The following ETV6 variants were observed in gnomAD, a reference collection of about 807,000 sequenced individuals.
ETV6 encodes transcription factor ETV6.
In ETV6, 16 loss-of-function variants were observed where a neutral mutation model predicts 51.1. The observed-to-expected ratio is 0.31, with a 90% CI of 0.21 to 0.48. The LOEUF is 0.48. Among genes scored for constraint, ETV6 ranks in the 20% least tolerant of loss-of-function variants. ETV6 has a pLI of 0.99. For missense variants in ETV6, 458 were observed against 594.8 expected (o/e 0.77, Z 2.39); for synonymous variants, 240 against 224.1 (o/e 1.07, Z -0.64).
chr12:11,893,595 C>T lies in ETV6; in HGVS notation c.*2549C>T, dbSNP rs947054409. On this transcript the variant is annotated 3_prime_UTR_variant, in exon 8 of 8. Coordinates refer to ENST00000396373, the MANE Select transcript of ETV6 (RefSeq NM_001987.5). Reference sequence around the variant, plus strand: ...GCCCCAAAATCCAAACCTTCCTGAACGCTATGACACCATGAGTGGAAAATT... The same window carrying T: ...GCCCCAAAATCCAAACCTTCCTGAATGCTATGACACCATGAGTGGAAAATT... 5.2e-5 allele frequency: 12 copies of T among 231,554 alleles called. No individual in the cohort carries two copies. The highest frequency in any genetic ancestry group is 1.3e-3 in the Middle Eastern group (1 of 784). The allele number at this position is 231,554 out of a possible 1,614,324, so 14.3% of individuals were successfully genotyped here.
At chr12:11,739,741 T>A (rs908233385) in intron 1 of ETV6, among the ~76,000 whole-genome samples, 2 of 152,242 alleles carry the variant, frequency 1.3e-5, no homozygotes, top group Non-Finnish European at 2.9e-5. Context: ...TTAGGTGTCC[T>A]ATGTTATTTA....
chr12:11,745,147 C>T (rs946488370), intron 1 of ETV6, among the ~76,000 whole-genome samples: 2 of 152,024 alleles, frequency 1.3e-5, no homozygotes, highest in African/African-American at 2.4e-5. Flanking sequence ...CTGTGGTGTC[C>T]GTGTTTTATT....
chr12:11,778,813 T>G (rs1945371960), intron 2 of ETV6, among the ~76,000 whole-genome samples: 1 of 152,214 alleles, frequency 6.6e-6, no homozygotes, highest in African/African-American at 2.4e-5. Context: ...GAGCCCTCCG[T>G]GTGAGTGATT....
chr12:11,712,914 C>G (rs1333876040), intron 1 of ETV6, among the ~76,000 whole-genome samples: 1 of 152,184 alleles, frequency 6.6e-6, no homozygotes, highest in Non-Finnish European at 1.5e-5. Flanking sequence ...GGCCACTGTT[C>G]TTCATGCTTG....
chr12:11,696,598 A>T (rs1465274216), intron 1 of ETV6, among the ~76,000 whole-genome samples: 1 of 152,164 alleles, frequency 6.6e-6, no homozygotes, highest in African/African-American at 2.4e-5. Flanking sequence ...CAAGAGGATC[A>T]CTTGAGTCAG....
intron 1 of ETV6, among the ~76,000 whole-genome samples, chr12:11,690,186 T>C (rs205539): frequency 0.46 from 68,185 of 148,970 alleles, 17,246 homozygotes; most frequent in Non-Finnish European, 0.57. Context: ...ACCCTTCTTG[T>C]CTCCTTCTGC....
At position 11,742,784 on chromosome 12, in the gene ETV6, T is replaced by C. The variant is rs188279682; in HGVS notation, c.34-9666T>C. ...ATCAAAATATTTTATAAGCTTCATCTCATTTTTCTTTTCTTTCTTTCTTTT... is the reference window on the plus strand; with the variant it reads ...ATCAAAATATTTTATAAGCTTCATCCCATTTTTCTTTTCTTTCTTTCTTTT... On this transcript the variant is annotated intron_variant, in intron 1 of 7. Transcript: ENST00000396373. 1.5e-3 allele frequency among the ~76,000 whole-genome samples: 219 copies of C among 149,476 alleles called. 2 individuals carry two copies. The highest frequency in any genetic ancestry group is 2.5e-3 in the Admixed American group (36 of 14,658).
chr12:11,877,407 G>T (rs114347082), intron 5 of ETV6, among the ~76,000 whole-genome samples: 195 of 152,230 alleles, frequency 1.3e-3, no homozygotes, highest in African/African-American at 4.5e-3. Context: ...AAGTGCTGGG[G>T]GCAAGTCTCA....
At chr12:11,706,926 A>G (rs1470680797) in intron 1 of ETV6, among the ~76,000 whole-genome samples, 1 of 152,258 alleles carries the variant, frequency 6.6e-6, no homozygotes, top group Admixed American at 6.5e-5. Context: ...ACTGTCAGGT[A>G]GACCTCTCTG....
chr12:11,832,046 G>C (rs962205610), intron 2 of ETV6, among the ~76,000 whole-genome samples: 2 of 152,130 alleles, frequency 1.3e-5, no homozygotes, highest in Non-Finnish European at 2.9e-5. Flanking sequence ...GGATGAAAAA[G>C]CAACTTAATG....
intron 1 of ETV6, chr12:11,716,783 G>T (rs566228342): frequency 6.6e-6 from 1 of 152,176 alleles, no homozygotes; most frequent in African/African-American, 2.4e-5. Context: ...AGTAGGTTGA[G>T]CTTATTGTAT....
intron 2 of ETV6, among the ~76,000 whole-genome samples, chr12:11,765,145 A>G (rs979571501): frequency 3.3e-5 from 5 of 152,232 alleles, no homozygotes; most frequent in African/African-American, 1.2e-4. Context: ...CACAGAAAAC[A>G]TCTACCACAA....
intron 1 of ETV6, among the ~76,000 whole-genome samples, chr12:11,653,289 C>T (rs1209474872): frequency 6.6e-6 from 1 of 152,164 alleles, no homozygotes; most frequent in Admixed American, 6.5e-5. Context: ...TAAGTTTGAC[C>T]AAGTTGCAGC....
At chr12:11,841,303 C>T in intron 3 of ETV6, among the ~76,000 whole-genome samples, 1 of 150,080 alleles carries the variant, frequency 6.7e-6, no homozygotes, top group South Asian at 2.1e-4. Flanking sequence ...AAGGAAGTTA[C>T]TGTCCAGTTA....
At chr12:11,781,321 C>T (rs1243725004) in intron 2 of ETV6, among the ~76,000 whole-genome samples, 2 of 152,186 alleles carry the variant, frequency 1.3e-5, no homozygotes, top group Non-Finnish European at 2.9e-5. Context: ...GTGGGAAGTA[C>T]TTCCCTGCCC....
chr12:11,671,027 C>A (rs1012542987), intron 1 of ETV6, among the ~76,000 whole-genome samples: 1 of 152,102 alleles, frequency 6.6e-6, no homozygotes, highest in African/African-American at 2.4e-5. Flanking sequence ...TGGGAATAAC[C>A]CAAACCTTAA....
intron 1 of ETV6, among the ~76,000 whole-genome samples, chr12:11,749,700 A>G (rs930167676): frequency 6.6e-6 from 1 of 152,184 alleles, no homozygotes; most frequent in Non-Finnish European, 1.5e-5. Context: ...GAGAGACAAA[A>G]GGAGTCTCTG....
intron 3 of ETV6, among the ~76,000 whole-genome samples, chr12:11,844,815 C>T (rs1050172531): frequency 4.0e-5 from 6 of 149,986 alleles, no homozygotes; most frequent in Non-Finnish European, 8.9e-5. Context: ...AGGTCACTTA[C>T]GTGAAAGTCA....
chr12:11,655,996 T>C (rs1477117719), intron 1 of ETV6, among the ~76,000 whole-genome samples: 3 of 152,232 alleles, frequency 2.0e-5, no homozygotes, highest in African/African-American at 7.2e-5. Flanking sequence ...TATATAGTGA[T>C]TTATTACAAA....
Sources: gnomAD v4.1 joint callset for allele counts (sites outside exome capture counted in the v4.1 genomes callset) on GRCh38, gnomAD v4.1.1 for gene constraint, MANE v1.5 for transcripts, NCBI Gene and HGNC (gene_info 2026-07-23, HGNC 2026-07-21) for gene names.